The following PIF1 variants were observed in gnomAD, a reference collection of about 807,000 sequenced individuals.
PIF1 encodes ATP-dependent DNA helicase PIF1.
In PIF1, 67 loss-of-function variants were observed where a neutral mutation model predicts 62.3. The observed-to-expected ratio is 1.08, with a 90% CI of 0.88 to 1.32. PIF1 has a LOEUF of 1.32. Among genes scored for constraint, PIF1 ranks in the 40% most tolerant of loss-of-function variants. The pLI, the probability that PIF1 is intolerant of heterozygous loss-of-function variation, is 0.00. For missense variants in PIF1, 886 were observed against 866.1 expected, an observed-to-expected ratio of 1.02 and a Z score of -0.29; for synonymous variants, 364 against 379.5, an observed-to-expected ratio of 0.96 and a Z score of 0.47.
rs1302272180 is a variant in PIF1 at position 64,821,478 on chromosome 15, A to G, written c.860T>C (p.Leu287Pro). 3.7e-6 allele frequency: 6 copies of G among 1,613,658 alleles called. No homozygotes were observed. The highest frequency in any genetic ancestry group is 2.7e-5 in the African/African-American group (2 of 74,938). The change falls in exon 5 of 13, where the codon CTG (leucine) becomes CCG (proline). Residue 287 changes from leucine (L) to proline (P), a missense_variant. Coordinates refer to ENST00000559239, the MANE Select transcript of PIF1 (RefSeq NM_001286496.2). ...CTGCCGCACGCCTGGCCTTTGGGCC[A>G]GGGCCACACACTGGGCTAGAGGAGC... Reference protein sequence around the residue: ...GQAPLAQCVALAQRPGVRQGW... With the variant: ...GQAPLAQCVAPAQRPGVRQGW...
chr15:64,824,809 C>G (rs113828774), intron 1 of PIF1, among the ~76,000 whole-genome samples: 42,971 of 96,122 alleles, frequency 0.45, 7,405 homozygotes, highest in Non-Finnish European at 0.5. Context: ...TAGCGACACC[C>G]TCTAATTAAA....
intron 11 of PIF1, among the ~76,000 whole-genome samples, chr15:64,817,626 G>T (rs1362457296): frequency 6.6e-6 from 1 of 151,936 alleles, no homozygotes; most frequent in Non-Finnish European, 1.5e-5. Context: ...CACTTTGGGA[G>T]GCTGAGGTGA....
At chr15:64,826,649 TATATATATATATATATAC>T (rs1408708232), upstream of PIF1, among the ~76,000 whole-genome samples, 6 of 35,872 alleles carry the variant, frequency 1.7e-4, 1 homozygote, top group African/African-American at 4.9e-4. Context: ...TATATATATA[TATATATATATATATATAC>T]ACACACACAC....
chr15:64,821,031 G>A lies in PIF1; in HGVS notation c.1144C>T (p.Gln382Ter), dbSNP rs767127447. The change falls in exon 7 of 13, where the codon CAG becomes TAG. Residue 382 changes from glutamine to a stop codon, truncating the protein, a stop_gained. Transcript: ENST00000559239. LOFTEE classifies it high-confidence loss of function. ...AGAGAGATGAAGGTCTGGTCTGCCT[G>A]CCTCCACACCTTGGTCAGCTCCAGG... is the stretch of plus-strand genomic sequence containing the variant. ...VTLELTKVWR[Q>*]ADQTFISLLQ... is the part of the protein sequence containing the mutation. 1 of 1,614,136 alleles carries A rather than the reference G, an allele frequency of 6.2e-7. No homozygotes were observed. Among genetic ancestry groups the A allele is most frequent in the African/African-American group, 1.3e-5 (1 of 75,032 alleles).
Position 64,816,495 on chromosome 15 carries a change from C to T in PIF1, c.1866+79G>A, listed in dbSNP as rs551437261. On this transcript the variant is annotated intron_variant, in intron 12 of 12. Transcript: ENST00000559239. ...GGCTTTTCTGCCCCCACCCCAGGTC[C>T]CACTGGGCCGGCGCTCCCTCTGTCC... 6.9e-5 allele frequency: 110 copies of T among 1,593,708 alleles called. No individual in the cohort carries two copies. The South Asian group carries it at 9.6e-4, about 14-fold the overall frequency.
chr15:64,820,110 AAG>A, intron 7 of PIF1, 124 bp from the exon 8 acceptor site: 1 of 1,249,926 alleles, frequency 8.0e-7, no homozygotes, highest in Non-Finnish European at 1.1e-6. Flanking sequence ...GGCACCAGGG[AAG>A]AGTTGCTGCC....
rs2084213182 is a variant in PIF1, at chr15:64,817,927, C to A, written c.1674+19G>T. The A allele has an allele frequency of 1.9e-6, 3 of 1,589,462 alleles. No homozygotes were observed. The highest frequency in any genetic ancestry group is 1.7e-6 in the Non-Finnish European group (2 of 1,167,732). Reference sequence around the variant, plus strand: ...CTCCCTCTGCCCTCCCTGTCCCTGCCCCCCACACCGGTGCTCACTTGGCTC... The same window carrying A: ...CTCCCTCTGCCCTCCCTGTCCCTGCACCCCACACCGGTGCTCACTTGGCTC... On this transcript the variant is annotated intron_variant, in intron 11 of 12. Coordinates refer to ENST00000559239, the MANE Select transcript of PIF1 (RefSeq NM_001286496.2).
At position 64,819,956 on chromosome 15, in the gene PIF1, C is replaced by T. The variant is rs756834262; in HGVS notation, c.1224G>A (p.Gln408=). Residue 408 remains glutamine (Q), a synonymous_variant, in exon 8 of 13, where the codon CAG becomes CAA. Coordinates refer to ENST00000559239, the MANE Select transcript of PIF1 (RefSeq NM_001286496.2). ...GCCCCACCTTGTGGGAAGCTGTGGC[C>T]TGGAGCTGGCGGGTCACCTCATCTG... is the stretch of plus-strand genomic sequence containing the variant. ...RCSDEVTRQL[Q]ATASHKVGRD... is the part of the protein sequence containing the mutation. The T allele has an allele frequency of 9.3e-6, 15 of 1,614,160 alleles. No homozygotes were observed. In the South Asian group the frequency reaches 1.5e-4, roughly 17 times the overall value.
chr15:64,827,018 C>T (rs1215717146), upstream of PIF1, among the ~76,000 whole-genome samples: 1 of 152,106 alleles, frequency 6.6e-6, no homozygotes, highest in African/African-American at 2.4e-5. Context: ...TTAGCTACTA[C>T]ACCACACTGC....
upstream of PIF1, among the ~76,000 whole-genome samples, chr15:64,827,055 A>G (rs4777612): frequency 0.41 from 61,842 of 151,978 alleles, 13,049 homozygotes; most frequent in African/African-American, 0.46. Flanking sequence ...GTAGAGGGTG[A>G]TGACTGAAAG....
chr15:64,817,757 G>A (rs567962659), intron 11 of PIF1, among the ~76,000 whole-genome samples, 189 bp downstream of exon 11: 1 of 152,138 alleles, frequency 6.6e-6, no homozygotes, highest in South Asian at 2.1e-4. Context: ...AGCTACTCAG[G>A]AGGCTGAGGC....
rs752487060 is a variant in PIF1, at chr15:64,819,872, G to C, written c.1308C>G (p.Asn436Lys). 3 of 1,613,918 alleles carry C rather than the reference G, an allele frequency of 1.9e-6. No homozygotes were observed. The highest frequency in any genetic ancestry group is 2.5e-6 in the Non-Finnish European group (3 of 1,180,040). Reference sequence around the variant, plus strand: ...CTGGCAGCTCCTGAAGCCGCCTCTCGTTGGTGAGGGCCACATCATCCTGGT... The same window carrying C: ...CTGGCAGCTCCTGAAGCCGCCTCTCCTTGGTGAGGGCCACATCATCCTGGT... Reference protein sequence around the residue: ...CTHQDDVALTNERRLQELPGK... With the variant: ...CTHQDDVALTKERRLQELPGK... The change falls in exon 8 of 13, where the codon AAC (asparagine) becomes AAG (lysine). Residue 436 changes from asparagine to lysine, a missense_variant. Asn to Lys is a moderately conservative substitution (Grantham distance 94). Transcript: ENST00000559239.
In PIF1 at chr15:64,821,386, T is replaced by A; in HGVS notation, c.952A>T (p.Lys318Ter). 1 of 1,614,070 alleles carries A rather than the reference T, an allele frequency of 6.2e-7. No individual in the cohort carries two copies. Among genetic ancestry groups the A allele is most frequent in the Non-Finnish European group, 8.5e-7 (1 of 1,179,968 alleles). Residue 318 changes from lysine (K) to a stop codon, truncating the protein, a stop_gained, in exon 5 of 13, where the codon AAA becomes TAA. Transcript: ENST00000559239. LOFTEE classifies it high-confidence loss of function. ...ISMVEADLFD[K>*]LEAVARAVRQ... ...ACTGACCTGGCCACGGCCTCCAGTT[T>A]GTCAAACAGGTCTGCCTCCACCATT...
At chr15:64,818,454 G>A in intron 9 of PIF1, 110 bp from the exon 10 acceptor site, 2 of 1,013,750 alleles carry the variant, frequency 2.0e-6, no homozygotes, top group South Asian at 3.0e-5. Flanking sequence ...TGGGGACACT[G>A]AATCCCAATC....
rs1178301487 is a variant in PIF1, at chr15:64,817,987, G to A, written c.1633C>T (p.Pro545Ser). 1.2e-6 allele frequency: 2 copies of A among 1,613,108 alleles called. No individual in the cohort carries two copies. The highest frequency in any genetic ancestry group is 1.7e-5 in the Admixed American group (1 of 59,886). ...GACATCGCCCAGGCCAGCTGGAGGGGCAGCTGCTGCCGACTGAGGAGCTGG... is the reference window on the plus strand; with the variant it reads ...GACATCGCCCAGGCCAGCTGGAGGGACAGCTGCTGCCGACTGAGGAGCTGG... ...GGQLLSRQQL[P>S]LQLAWAMSIH... Residue 545 changes from proline (P) to serine (S), a missense_variant, in exon 11 of 13, where the codon CCC becomes TCC. Coordinates refer to ENST00000559239, the MANE Select transcript of PIF1 (RefSeq NM_001286496.2).
In PIF1 at chr15:64,821,314, A is replaced by G. The variant is rs202179672; in HGVS notation, c.972-33T>C. On this transcript the variant is annotated intron_variant, in intron 5 of 12. Transcript: ENST00000559239. ...GGAGCGTGGGGTGCTTTAGGGGCAC[A>G]CAGAAGACCACCAGGTCCCAGTTCT... 2.5e-4 allele frequency: 396 copies of G among 1,614,122 alleles called. 2 individuals carry two copies. Among genetic ancestry groups the G allele is most frequent in the South Asian group, 1.5e-3 (140 of 91,080 alleles).
intron 11 of PIF1, 73 bp from the exon 12 acceptor site, chr15:64,816,838 C>G (rs1378613482): frequency 1.5e-6 from 2 of 1,376,412 alleles, no homozygotes; most frequent in African/African-American, 1.5e-5. Context: ...TGACCCTTTA[C>G]CAGCCCTGCT....
Position 64,823,931 on chromosome 15 carries a change from G to A in PIF1, c.405C>T (p.Ala135=). ...AAAPGPGPAS[A]RAQLLGPRPR... ...GCCGCGGGCCCAGCAGCTGCGCTCG[G>A]GCGGAGGCCGGCCCGGGACCCGGGG... The change falls in exon 2 of 13, where the codon GCC becomes GCT. Residue 135 remains alanine, a synonymous_variant. Transcript: ENST00000559239. The A allele has an allele frequency of 1.5e-6, 2 of 1,315,842 alleles. No homozygotes were observed. 81.5% of individuals were successfully genotyped at this position (1,315,842 alleles called of 1,614,324 possible). A position where few individuals can be genotyped will look rare whatever the true frequency, so the allele number is the denominator to read the frequency against.
chr15:64,821,134 C>T, intron 6 of PIF1, 33 bp downstream of exon 6: 2 of 1,613,522 alleles, frequency 1.2e-6, no homozygotes, highest in South Asian at 2.2e-5. Flanking sequence ...GAGCAGACCC[C>T]CAAGGAGAGC....
Sources: gnomAD v4.1 joint callset for allele counts (sites outside exome capture counted in the v4.1 genomes callset) on GRCh38, gnomAD v4.1.1 for gene constraint, MANE v1.5 for transcripts, NCBI Gene and HGNC (gene_info 2026-07-23, HGNC 2026-07-21) for gene names.